CACNA2D1: variants seen among roughly 807,000 people sequenced by gnomAD.
The protein encoded by CACNA2D1 is calcium voltage-gated channel auxiliary subunit alpha2delta 1.
Under a neutral mutation model 171.5 loss-of-function variants are expected in CACNA2D1, and 53 were observed. The ratio of observed to expected loss-of-function variants is 0.31; its 90% CI spans 0.25 to 0.39. The LOEUF is 0.39. Among genes scored for constraint, CACNA2D1 ranks in the 10% least tolerant of loss-of-function variants. The pLI is 1.00. For synonymous variants in CACNA2D1, 442 were observed against 443.1 expected, an observed-to-expected ratio of 1.00 and a Z score of 0.03; for missense variants, 903 against 1,299.8, an observed-to-expected ratio of 0.69 and a Z score of 4.69.
intron 10 of CACNA2D1, among the ~76,000 whole-genome samples, chr7:82,057,585 A>G (rs913058906): frequency 2.0e-5 from 3 of 151,664 alleles, no homozygotes; most frequent in Non-Finnish European, 4.4e-5. Flanking sequence ...AAAATAAGTG[A>G]TGCTACTGGC....
intron 1 of CACNA2D1, among the ~76,000 whole-genome samples, chr7:82,377,019 A>T (rs1246967976): frequency 1.3e-5 from 2 of 152,178 alleles, no homozygotes; most frequent in Non-Finnish European, 2.9e-5. Flanking sequence ...TCTCTAATGC[A>T]AGGATTATTG....
intron 6 of CACNA2D1, among the ~76,000 whole-genome samples, chr7:82,115,775 C>CCTTTA (rs140354057): frequency 0.019 from 2,879 of 151,596 alleles, 105 homozygotes; most frequent in African/African-American, 0.063. Flanking sequence ...AATGTGAGTC[C>CCTTTA]CTTAATCTTG....
chr7:81,984,071 A>C (rs1796710977), intron 22 of CACNA2D1, among the ~76,000 whole-genome samples: 1 of 152,192 alleles, frequency 6.6e-6, no homozygotes, highest in African/African-American at 2.4e-5. Context: ...TAAAAAAATT[A>C]ATCCATTTGC....
chr7:82,260,320 C>T (rs1032402568), intron 3 of CACNA2D1, among the ~76,000 whole-genome samples: 1 of 152,124 alleles, frequency 6.6e-6, no homozygotes. Context: ...TGATCATCAA[C>T]ACCGTTATTG....
chr7:82,262,706 C>T (rs1405236047), intron 3 of CACNA2D1, among the ~76,000 whole-genome samples: 3 of 152,100 alleles, frequency 2.0e-5, no homozygotes, highest in Non-Finnish European at 4.4e-5. Flanking sequence ...CTGTCTCCTA[C>T]TCATATTTCT....
intron 1 of CACNA2D1, among the ~76,000 whole-genome samples, chr7:82,388,327 A>T (rs963874863): frequency 1.3e-5 from 2 of 152,224 alleles, no homozygotes; most frequent in Non-Finnish European, 2.9e-5. Flanking sequence ...AGCTAAATGG[A>T]CATGTGACAA....
chr7:82,175,814 T>C (rs765668415), intron 3 of CACNA2D1, among the ~76,000 whole-genome samples: 2 of 152,038 alleles, frequency 1.3e-5, no homozygotes, highest in Non-Finnish European at 2.9e-5. Context: ...TCTAGCATAA[T>C]ACAAACTCAG....
chr7:81,996,099 A>G (rs1056588854), intron 19 of CACNA2D1, among the ~76,000 whole-genome samples: 4 of 152,146 alleles, frequency 2.6e-5, no homozygotes, highest in Non-Finnish European at 5.9e-5. Context: ...CTCAAAAATA[A>G]TAAAGACTTT....
chr7:82,038,070 T>C lies in CACNA2D1; in HGVS notation c.1038+7A>G. On this transcript the variant is annotated splice_region_variant and intron_variant, in intron 11 of 38. Transcript: ENST00000356860. Reference sequence around the variant, plus strand: ...AACAACAACAAAAGACATAGCATGATACTTACATTAAGCAGCTGTTCAAAA... The same window carrying C: ...AACAACAACAAAAGACATAGCATGACACTTACATTAAGCAGCTGTTCAAAA... 6.2e-7 allele frequency: 1 copy of C among 1,612,590 alleles called. No individual in the cohort carries two copies. The highest frequency in any genetic ancestry group is 1.1e-5 in the South Asian group (1 of 91,060).
intron 4 of CACNA2D1, among the ~76,000 whole-genome samples, chr7:82,137,707 T>TAAAAAAAAGAAAA (rs1791812282): frequency 1.3e-5 from 1 of 78,844 alleles, no homozygotes; most frequent in Non-Finnish European, 2.4e-5. Context: ...CCGTCTCTAC[T>TAAAAAAAAGAAAA]AAAAAAAAAA....
At chr7:82,044,376 A>G (rs1342668227) in intron 10 of CACNA2D1, among the ~76,000 whole-genome samples, 1 of 152,216 alleles carries the variant, frequency 6.6e-6, no homozygotes, top group Non-Finnish European at 1.5e-5. Context: ...ATTACTTAAC[A>G]TGTCTTAATG....
At chr7:82,198,783 A>C (rs1279649844) in intron 3 of CACNA2D1, among the ~76,000 whole-genome samples, 1 of 151,906 alleles carries the variant, frequency 6.6e-6, no homozygotes, top group Non-Finnish European at 1.5e-5. Flanking sequence ...TATTAATACT[A>C]TGCTGCTCCA....
chr7:81,984,739 C>T (rs1562822041), intron 21 of CACNA2D1, 28 bp from the exon 22 acceptor site: 1 of 1,145,428 alleles, frequency 8.7e-7, no homozygotes, highest in South Asian at 1.3e-5. Context: ...GAAGCATAAA[C>T]ACAAACAAAC....
chr7:82,200,459 C>T (rs1354342285), intron 3 of CACNA2D1, among the ~76,000 whole-genome samples: 1 of 151,968 alleles, frequency 6.6e-6, no homozygotes, highest in Non-Finnish European at 1.5e-5. Flanking sequence ...ATATTTCTAT[C>T]TTAAAAAAGA....
intron 3 of CACNA2D1, among the ~76,000 whole-genome samples, chr7:82,192,539 G>A (rs1798437910): frequency 6.9e-6 from 1 of 144,576 alleles, no homozygotes; most frequent in African/African-American, 2.6e-5. Flanking sequence ...AAGAATCAAG[G>A]GTCAATCCTT....
intron 11 of CACNA2D1, 39 bp downstream of exon 11, chr7:82,038,038 G>GAAC (rs748028859): frequency 1.3e-5 from 20 of 1,595,806 alleles, no homozygotes; most frequent in South Asian, 9.9e-5. Flanking sequence ...TACTACAATT[G>GAAC]AACAACAACA....
chr7:82,355,303 C>T (rs955470190), intron 1 of CACNA2D1, among the ~76,000 whole-genome samples: 1 of 152,096 alleles, frequency 6.6e-6, no homozygotes, highest in African/African-American at 2.4e-5. Flanking sequence ...TCTGGTTGTA[C>T]AGGTATAATA....
At position 81,967,605 on chromosome 7, in the gene CACNA2D1, G is replaced by T; in HGVS notation, c.2454C>A (p.Ile818=). 1 of 1,497,304 alleles carries T rather than the reference G, an allele frequency of 6.7e-7. No homozygotes were observed. Among genetic ancestry groups the T allele is most frequent in the East Asian group, 2.3e-5 (1 of 43,652 alleles). The allele number at this position is 1,497,304 out of a possible 1,614,324, so 92.8% of individuals were successfully genotyped here. A position where few individuals can be genotyped will look rare whatever the true frequency, so the allele number is the denominator to read the frequency against. ...TTTAAAAATATCTTACCGGATCTCT[G>T]ATTGAGGTTTTGGTGAAATTCTCTA... ...SWIENFTKTS[I]RDPCAGPVCD... is the part of the protein sequence containing the mutation. The change falls in exon 30 of 39, where the codon ATC becomes ATA. Residue 818 remains isoleucine (I), a synonymous_variant. Transcript: ENST00000356860.
chr7:81,993,213 A>G (rs892956693), intron 20 of CACNA2D1, among the ~76,000 whole-genome samples: 4 of 152,192 alleles, frequency 2.6e-5, no homozygotes, highest in Admixed American at 6.5e-5. Context: ...AATTTCAGAC[A>G]GATTGTAGTG....
Sources: gnomAD v4.1 joint callset for allele counts (sites outside exome capture counted in the v4.1 genomes callset) on GRCh38, gnomAD v4.1.1 for gene constraint, MANE v1.5 for transcripts, NCBI Gene and HGNC (gene_info 2026-07-23, HGNC 2026-07-21) for gene names.